The following CNTLN variants were observed in gnomAD, a reference collection of about 807,000 sequenced individuals.
The protein encoded by CNTLN is centlein, centrosomal protein.
CNTLN carries 212 observed loss-of-function variants against 180.0 expected under a neutral mutation model. That is an observed-to-expected ratio of 1.18 (90% CI 1.05 to 1.32). The LOEUF (loss-of-function observed/expected upper bound fraction) is 1.32. Ranked by LOEUF, CNTLN falls within the 40% of genes most tolerant of loss-of-function variation. The pLI is 0.00. For synonymous variants in CNTLN, 722 were observed against 563.1 expected, an observed-to-expected ratio of 1.28 and a Z score of -3.99; for missense variants, 2,095 against 1,610.9, an observed-to-expected ratio of 1.30 and a Z score of -5.14.
intron 2 of CNTLN, among the ~76,000 whole-genome samples, chr9:17,222,447 C>T (rs1047313607): frequency 6.6e-6 from 1 of 151,976 alleles, no homozygotes; most frequent in African/African-American, 2.4e-5. Flanking sequence ...GGGGTGGTTT[C>T]CCCTGTACTG....
At chr9:17,465,920 AAC>A in intron 21 of CNTLN, 59 bp from the exon 22 acceptor site, 1 of 1,344,498 alleles carries the variant, frequency 7.4e-7, no homozygotes, top group Non-Finnish European at 1.0e-6. Context: ...TGTTGGAACA[AAC>A]ACAGTATATT....
intron 5 of CNTLN, 23 bp downstream of exon 5, chr9:17,236,611 A>G (rs758395321): frequency 7.0e-6 from 11 of 1,561,598 alleles, no homozygotes; most frequent in South Asian, 4.8e-5. Context: ...AATGGAATCC[A>G]TACTCCTCTT....
chr9:17,486,478 G>A (rs977963928), intron 24 of CNTLN, among the ~76,000 whole-genome samples: 2 of 152,196 alleles, frequency 1.3e-5, no homozygotes, highest in Non-Finnish European at 2.9e-5. Flanking sequence ...AGCACTTTAA[G>A]TTGGAGTGTC....
At chr9:17,473,621 AC>A (rs1377174339) in intron 23 of CNTLN, among the ~76,000 whole-genome samples, 2 of 151,474 alleles carry the variant, frequency 1.3e-5, no homozygotes, top group African/African-American at 4.9e-5. Flanking sequence ...ACAAAAAACA[AC>A]CCTTCATTTG....
intron 8 of CNTLN, among the ~76,000 whole-genome samples, chr9:17,324,415 G>A (rs1438159649): frequency 6.6e-6 from 1 of 152,112 alleles, no homozygotes; most frequent in Non-Finnish European, 1.5e-5. Context: ...AGAAAAATCA[G>A]TCTTTTCATT....
chr9:17,331,067 T>G (rs1820612442), intron 9 of CNTLN, among the ~76,000 whole-genome samples: 3 of 152,012 alleles, frequency 2.0e-5, no homozygotes, highest in Non-Finnish European at 4.4e-5. Context: ...ATTAACATTC[T>G]TATATTAAAA....
At chr9:17,419,117 G>T (rs975054984) in intron 18 of CNTLN, among the ~76,000 whole-genome samples, 9 of 151,786 alleles carry the variant, frequency 5.9e-5, no homozygotes, top group Non-Finnish European at 1.0e-4. Flanking sequence ...GTATTTTTTT[G>T]TTTGTTTGTT....
intron 1 of CNTLN, among the ~76,000 whole-genome samples, chr9:17,138,248 G>GA (rs559431167): frequency 7.6e-4 from 115 of 152,102 alleles, no homozygotes; most frequent in African/African-American, 2.6e-3. Context: ...AGTGAGATGA[G>GA]AAAAAAGTGT....
At chr9:17,245,640 A>T (rs1004026842) in intron 5 of CNTLN, among the ~76,000 whole-genome samples, 1 of 151,260 alleles carries the variant, frequency 6.6e-6, no homozygotes, top group Non-Finnish European at 1.5e-5. Context: ...TTCTAGCCTG[A>T]CCTCTCTCTA....
At chr9:17,269,436 C>T (rs1827774893) in intron 5 of CNTLN, among the ~76,000 whole-genome samples, 1 of 151,918 alleles carries the variant, frequency 6.6e-6, no homozygotes, top group African/African-American at 2.4e-5. Flanking sequence ...TTTCTGCATC[C>T]CAGAAGTTTT....
At chr9:17,158,090 C>G (rs1166921739) in intron 2 of CNTLN, among the ~76,000 whole-genome samples, 1 of 152,154 alleles carries the variant, frequency 6.6e-6, no homozygotes, top group Non-Finnish European at 1.5e-5. Context: ...ATTTGAAACA[C>G]TTCTGATCCC....
At chr9:17,326,757 C>T (rs890363296) in intron 8 of CNTLN, among the ~76,000 whole-genome samples, 5 of 152,082 alleles carry the variant, frequency 3.3e-5, no homozygotes, top group Admixed American at 2.6e-4. Context: ...GATCTTCCTT[C>T]TCAAAACTCA....
At chr9:17,188,264 T>C (rs1235766401) in intron 2 of CNTLN, among the ~76,000 whole-genome samples, 1 of 151,922 alleles carries the variant, frequency 6.6e-6, no homozygotes, top group Non-Finnish European at 1.5e-5. Context: ...AAAAATCACG[T>C]TTAGATTTGT....
rs758034744 is a variant in CNTLN at position 17,236,404 on chromosome 9, T to C, written c.670-5T>C. The C allele has an allele frequency of 6.3e-7, 1 of 1,591,946 alleles. No individual in the cohort carries two copies. Among genetic ancestry groups the C allele is most frequent in the South Asian group, 1.2e-5 (1 of 86,910 alleles). On this transcript the variant is annotated splice_polypyrimidine_tract_variant and splice_region_variant and intron_variant, in intron 4 of 25. Coordinates refer to ENST00000380647, the MANE Select transcript of CNTLN (RefSeq NM_017738.4). ...TTTATTTGCCCTTGTGGTACTGTTC[T>C]ACAGGACACTAAGGAGTGTGTACAG...
At chr9:17,465,547 TA>T (rs934455073) in intron 21 of CNTLN, among the ~76,000 whole-genome samples, 4 of 149,636 alleles carry the variant, frequency 2.7e-5, no homozygotes, top group Admixed American at 6.7e-5. Flanking sequence ...AAATAAGCTA[TA>T]TATATATATA....
chr9:17,308,961 A>G (rs1192872788), intron 7 of CNTLN, 97 bp from the exon 8 acceptor site: 3 of 672,454 alleles, frequency 4.5e-6, no homozygotes, highest in Non-Finnish European at 6.5e-6. Context: ...CTGTGTTTAT[A>G]CAGTTCATAT....
In CNTLN at chr9:17,315,674, T is replaced by C. The variant is rs1468481331; in HGVS notation, c.1341+6422T>C. Among the ~76,000 whole-genome samples the C allele has an allele frequency of 2.0e-5, 3 of 152,124 alleles. No individual in the cohort carries two copies. In the East Asian group the frequency reaches 5.8e-4, roughly 29 times the overall value. On this transcript the variant is annotated intron_variant, in intron 8 of 25. Transcript: ENST00000380647. ...GAGCTCTTTTTTGTATCTTCAAAGATTTTTTTCTGTTTGCTTGAACCTTGA... is the reference window on the plus strand; with the variant it reads ...GAGCTCTTTTTTGTATCTTCAAAGACTTTTTTCTGTTTGCTTGAACCTTGA...
intron 18 of CNTLN, among the ~76,000 whole-genome samples, chr9:17,421,506 G>A (rs1193955288): frequency 3.9e-5 from 6 of 151,970 alleles, no homozygotes; most frequent in Non-Finnish European, 8.8e-5. Context: ...ATTGGGTCTT[G>A]TTTTTTAATC....
At chr9:17,521,877 G>C in the CNTLN span, among the ~76,000 whole-genome samples, 2 of 152,130 alleles carry the variant, frequency 1.3e-5, no homozygotes, top group Non-Finnish European at 2.9e-5. Flanking sequence ...TGCAAATGCT[G>C]ATTTATTTAT....
Sources: gnomAD v4.1 joint callset for allele counts (sites outside exome capture counted in the v4.1 genomes callset) on GRCh38, gnomAD v4.1.1 for gene constraint, MANE v1.5 for transcripts, NCBI Gene and HGNC (gene_info 2026-07-23, HGNC 2026-07-21) for gene names.